The following MTMR7 variants were observed in gnomAD, a reference collection of about 807,000 sequenced individuals.
MTMR7 encodes the protein phosphatidylinositol-3-phosphate phosphatase MTMR7.
MTMR7 carries 76 observed loss-of-function variants against 81.2 expected under a neutral mutation model. That is an observed-to-expected ratio of 0.94 (90% CI 0.78 to 1.13). The LOEUF (loss-of-function observed/expected upper bound fraction) is 1.13, where lower values mean the gene tolerates loss of function less well. Ranked by LOEUF, MTMR7 falls within the 50% of genes most tolerant of loss-of-function variation. MTMR7 has a pLI of 0.00. For missense variants in MTMR7, 1,044 were observed against 820.0 expected, an observed-to-expected ratio of 1.27 and a Z score of -3.34; for synonymous variants, 372 against 289.8, an observed-to-expected ratio of 1.28 and a Z score of -2.88.
At chr8:17,393,956 C>G (rs1821176083) in intron 1 of MTMR7, among the ~76,000 whole-genome samples, 1 of 152,150 alleles carries the variant, frequency 6.6e-6, no homozygotes, top group African/African-American at 2.4e-5. Context: ...AAAAGATGCT[C>G]AACATAATTA....
At chr8:17,367,546 G>C (rs1476744565) in intron 3 of MTMR7, among the ~76,000 whole-genome samples, 1 of 152,122 alleles carries the variant, frequency 6.6e-6, no homozygotes, top group Non-Finnish European at 1.5e-5. Flanking sequence ...CTGCATTTGG[G>C]CATGTTATGT....
intron 11 of MTMR7, among the ~76,000 whole-genome samples, chr8:17,304,768 T>TGTGTGTGTGTGTG (rs1563315402): frequency 6.8e-6 from 1 of 147,514 alleles, no homozygotes; most frequent in Non-Finnish European, 1.5e-5. Flanking sequence ...TGTGTGTGTG[T>TGTGTGTGTGTGTG]TAAGCTGTTC....
chr8:17,374,424 C>A (rs1049449221), intron 1 of MTMR7, among the ~76,000 whole-genome samples: 4 of 151,722 alleles, frequency 2.6e-5, no homozygotes, highest in African/African-American at 9.7e-5. Context: ...AGATCGAGAC[C>A]ATCCTGGCCA....
At chr8:17,335,889 C>T (rs915494787) in intron 6 of MTMR7, among the ~76,000 whole-genome samples, 1 of 152,232 alleles carries the variant, frequency 6.6e-6, no homozygotes, top group Non-Finnish European at 1.5e-5. Context: ...TCTTCCCCGC[C>T]GCCTTACAGG....
chr8:17,411,080 G>C (rs1821723254), intron 1 of MTMR7, among the ~76,000 whole-genome samples: 2 of 152,192 alleles, frequency 1.3e-5, no homozygotes, highest in Admixed American at 1.3e-4. Flanking sequence ...TGTAAGTAAT[G>C]TTGTTCTCTT....
intron 1 of MTMR7, among the ~76,000 whole-genome samples, chr8:17,406,986 G>A (rs979635029): frequency 6.6e-6 from 1 of 151,984 alleles, no homozygotes; most frequent in Non-Finnish European, 1.5e-5. Flanking sequence ...AATGCCAATG[G>A]GTATAGTGTT....
chr8:17,309,724 C>A (rs1261329119), intron 9 of MTMR7, among the ~76,000 whole-genome samples: 1 of 152,194 alleles, frequency 6.6e-6, no homozygotes, highest in Non-Finnish European at 1.5e-5. Flanking sequence ...CCCCACTTCA[C>A]AGCCCAGGTC....
chr8:17,407,565 G>A (rs1821623869), intron 1 of MTMR7, among the ~76,000 whole-genome samples: 1 of 151,652 alleles, frequency 6.6e-6, no homozygotes. Flanking sequence ...CTAAAATGGG[G>A]AAGTGGTAAA....
At chr8:17,309,649 T>C (rs972113754) in intron 9 of MTMR7, among the ~76,000 whole-genome samples, 2 of 152,176 alleles carry the variant, frequency 1.3e-5, no homozygotes, top group African/African-American at 2.4e-5. Context: ...TCTCACTCTT[T>C]TAGAAGGGGA....
At chr8:17,300,326 G>GTTAA in intron 13 of MTMR7, 102 bp from the exon 14 acceptor site, 1 of 1,260,130 alleles carries the variant, frequency 7.9e-7, no homozygotes, top group South Asian at 1.6e-5. Flanking sequence ...TGGGTATAAT[G>GTTAA]TTAAGAACAT....
intron 5 of MTMR7, among the ~76,000 whole-genome samples, chr8:17,343,285 G>C (rs1334899353): frequency 6.6e-6 from 1 of 151,986 alleles, no homozygotes; most frequent in Non-Finnish European, 1.5e-5. Context: ...CAAACATTAG[G>C]TGGGCATGGT....
chr8:17,342,692 A>C (rs17631367), intron 5 of MTMR7, among the ~76,000 whole-genome samples: 32,495 of 151,936 alleles, frequency 0.21, 3,775 homozygotes, highest in East Asian at 0.34. Context: ...TGAGGGCGCC[A>C]ACACCATTCT....
Position 17,331,181 on chromosome 8 carries a change from G to A in MTMR7, c.834C>T (p.Val278=). The change falls in exon 7 of 14, where the codon GTC becomes GTT. Residue 278 remains valine, a synonymous_variant. Coordinates refer to ENST00000180173, the MANE Select transcript of MTMR7 (RefSeq NM_004686.5). ...GCATTTTCTGCAGACTGTTCCTCAT[G>A]ACATGGATGTTCTCTATCCCGATAA... ...FQFIGIENIH[V]MRNSLQKMLE... 3 of 1,612,610 alleles carry A rather than the reference G, an allele frequency of 1.9e-6. No homozygotes were observed. Among genetic ancestry groups the A allele is most frequent in the Non-Finnish European group, 2.5e-6 (3 of 1,179,564 alleles).
intron 13 of MTMR7, among the ~76,000 whole-genome samples, chr8:17,301,355 A>G (rs934138079): frequency 2.0e-5 from 3 of 152,216 alleles, no homozygotes; most frequent in African/African-American, 7.2e-5. Flanking sequence ...TTTTAACAGG[A>G]CTGTGAAAGA....
At chr8:17,344,592 C>T (rs763541704) in intron 5 of MTMR7, among the ~76,000 whole-genome samples, 3 of 152,152 alleles carry the variant, frequency 2.0e-5, no homozygotes, top group Non-Finnish European at 4.4e-5. Flanking sequence ...GCCTGGGTGA[C>T]AGAGCGAGAC....
chr8:17,407,523 G>A (rs1298537854), intron 1 of MTMR7, among the ~76,000 whole-genome samples: 1 of 151,860 alleles, frequency 6.6e-6, no homozygotes, highest in Admixed American at 6.6e-5. Flanking sequence ...AGATAATAAT[G>A]AGATGTTCAT....
chr8:17,371,579 G>A (rs1396096042), intron 2 of MTMR7, among the ~76,000 whole-genome samples: 2 of 152,166 alleles, frequency 1.3e-5, no homozygotes, highest in Admixed American at 6.5e-5. Context: ...ACAAGTTAGA[G>A]ATGGCTCCGC....
chr8:17,389,304 A>G (rs1821036426), intron 1 of MTMR7, among the ~76,000 whole-genome samples: 1 of 152,156 alleles, frequency 6.6e-6, no homozygotes, highest in Non-Finnish European at 1.5e-5. Flanking sequence ...GTACACTCTA[A>G]CCATTACCAC....
chr8:17,308,320 C>T (rs917703304), intron 10 of MTMR7, among the ~76,000 whole-genome samples: 11 of 151,988 alleles, frequency 7.2e-5, no homozygotes, highest in African/African-American at 2.7e-4. Context: ...TTAATAGAAC[C>T]CCAAACTGAA....
Sources: allele counts gnomAD v4.1 joint callset (sites outside exome capture counted in the v4.1 genomes callset), GRCh38; gene constraint gnomAD v4.1.1; transcripts MANE v1.5; gene names NCBI Gene and HGNC (gene_info 2026-07-23, HGNC 2026-07-21).